The following SLC22A25 variants were observed in gnomAD, a reference collection of about 807,000 sequenced individuals.
The protein encoded by SLC22A25 is solute carrier family 22 member 25, also known as MGI:2442751, MGI:2385316, MGI:3042283, MGI:3645714, MGI:3605624, MGI:2442750.
SLC22A25 carries 44 observed loss-of-function variants against 45.9 expected under a neutral mutation model. The ratio of observed to expected loss-of-function variants is 0.96; its 90% CI spans 0.75 to 1.23. The LOEUF (loss-of-function observed/expected upper bound fraction) is 1.23, where lower values mean the gene tolerates loss of function less well. Ranked by LOEUF, SLC22A25 falls within the 50% of genes most tolerant of loss-of-function variation. The pLI, the probability that SLC22A25 is intolerant of heterozygous loss-of-function variation, is 0.00. For missense variants in SLC22A25, 800 were observed against 666.4 expected, an observed-to-expected ratio of 1.20 and a Z score of -2.21; for synonymous variants, 283 against 238.6, an observed-to-expected ratio of 1.19 and a Z score of -1.72.
rs564397185 is a variant in SLC22A25, at chr11:63,163,707, T to A, written c.*117A>T. 1.5e-6 allele frequency: 2 copies of A among 1,373,282 alleles called. No homozygotes were observed. The highest frequency in any genetic ancestry group is 1.5e-5 in the South Asian group (1 of 66,904). The allele number at this position is 1,373,282 out of a possible 1,614,324, so 85.1% of individuals were successfully genotyped here. A position where few individuals can be genotyped will look rare whatever the true frequency, so the allele number is the denominator to read the frequency against. ...GCTCAGGGGATGTATGAGGTCACTG[T>A]GGAAGGGATGAGGATACACCAAAGG... On this transcript the variant is annotated 3_prime_UTR_variant, in exon 12 of 12. Transcript: ENST00000306494.
Position 63,160,686 on chromosome 11 carries a change from A to C in SLC22A25, c.*3138T>G, listed in dbSNP as rs2087526137. Among the ~76,000 whole-genome samples the C allele has an allele frequency of 6.6e-6, 1 of 152,196 alleles. No individual in the cohort carries two copies. The highest frequency in any genetic ancestry group is 1.5e-5 in the Non-Finnish European group (1 of 68,030). ...AAGGCATTGACAGCTTGCACTGCAC[A>C]CCTGGAAAAGCTGCAGACACTCAAT... On this transcript the variant is annotated 3_prime_UTR_variant, in exon 12 of 12. Transcript: ENST00000306494.
chr11:63,209,068 C>T (rs1285956315), intron 7 of SLC22A25, among the ~76,000 whole-genome samples: 1 of 152,130 alleles, frequency 6.6e-6, no homozygotes, highest in Non-Finnish European at 1.5e-5. Context: ...GATAGATTGG[C>T]CTGCTTTCAA....
At chr11:63,210,130 C>A (rs56048812) in intron 7 of SLC22A25, among the ~76,000 whole-genome samples, 3 of 151,888 alleles carry the variant, frequency 2.0e-5, no homozygotes, top group Non-Finnish European at 4.4e-5. Context: ...ATTCCAGAGG[C>A]TCCTGAAAAC....
rs2087528789 is a variant in SLC22A25, at chr11:63,160,990, TTGTATTAG to T, written c.*2826_*2833del. On this transcript the variant is annotated 3_prime_UTR_variant, in exon 12 of 12. Coordinates refer to ENST00000306494, the MANE Select transcript of SLC22A25 (RefSeq NM_199352.6). ...TTGACCCAACAGTTCCACTGCACCA[TTGTATTAG>T]TCCATTTTCAAGCTGCTGATAAAGA... 1.3e-5 allele frequency among the ~76,000 whole-genome samples: 2 copies of T among 152,164 alleles called. No homozygotes were observed. The highest frequency in any genetic ancestry group is 4.8e-5 in the African/African-American group (2 of 41,452).
chr11:63,185,534 A>C (rs942686315), intron 7 of SLC22A25, among the ~76,000 whole-genome samples: 1 of 144,896 alleles, frequency 6.9e-6, no homozygotes, highest in African/African-American at 2.6e-5. Context: ...TTTTATTTTT[A>C]TTTTTTATTT....
chr11:63,178,797 A>G (rs2088211987), intron 9 of SLC22A25, among the ~76,000 whole-genome samples: 1 of 151,918 alleles, frequency 6.6e-6, no homozygotes, highest in Non-Finnish European at 1.5e-5. Context: ...TTTGTTGTGC[A>G]GAAGATTTTT....
Position 63,183,735 on chromosome 11 carries a change from T to C in SLC22A25, c.913A>G (p.Arg305Gly). Residue 305 changes from arginine to glycine, a missense_variant, in exon 8 of 12, where the codon AGG becomes GGG. Physicochemically the swap from Arg to Gly is moderately radical, Grantham distance 125. Coordinates refer to ENST00000306494, the MANE Select transcript of SLC22A25 (RefSeq NM_199352.6). ...GLKELRKAAH[R>G]NGMKNAEDIL... ...TCTTCAGCATTCTTCATTCCATTCC[T>C]GTGTGCAGCTTTTCTAAGTTCCTTT... 3 of 1,613,296 alleles carry C rather than the reference T, an allele frequency of 1.9e-6. No homozygotes were observed. The highest frequency in any genetic ancestry group is 2.5e-6 in the Non-Finnish European group (3 of 1,179,394).
At chr11:63,200,267 G>C (rs2089197978) in intron 7 of SLC22A25, among the ~76,000 whole-genome samples, 1 of 149,476 alleles carries the variant, frequency 6.7e-6, no homozygotes, top group Non-Finnish European at 1.5e-5. Context: ...AAAATTACTG[G>C]TAAACAGAAT....
chr11:63,202,200 A>G (rs2089266927), intron 7 of SLC22A25, among the ~76,000 whole-genome samples: 1 of 151,862 alleles, frequency 6.6e-6, no homozygotes, highest in Admixed American at 6.6e-5. Flanking sequence ...CCTGGGTTTC[A>G]AGCACAAAAC....
rs1042226900 is a variant in SLC22A25 at position 63,160,640 on chromosome 11, C to A, written c.*3184G>T. On this transcript the variant is annotated 3_prime_UTR_variant, in exon 12 of 12. Transcript: ENST00000306494. ...GGAGCTGTGAGAAGAGGGTCTTCGACCTCCAGACCCCAGAATTGTAAAGGC... is the reference window on the plus strand; with the variant it reads ...GGAGCTGTGAGAAGAGGGTCTTCGAACTCCAGACCCCAGAATTGTAAAGGC... 4.6e-5 allele frequency among the ~76,000 whole-genome samples: 7 copies of A among 152,238 alleles called. No individual in the cohort carries two copies. Among genetic ancestry groups the A allele is most frequent in the African/African-American group, 1.4e-4 (6 of 41,550 alleles).
intron 7 of SLC22A25, among the ~76,000 whole-genome samples, chr11:63,193,508 C>A (rs765992953): frequency 4.5e-4 from 68 of 152,236 alleles, no homozygotes; most frequent in Non-Finnish European, 8.1e-4. Context: ...GCTGGTGACA[C>A]CCAGGCAAAC....
At chr11:63,237,695 T>A (rs199614114) in intron 3 of SLC22A25, among the ~76,000 whole-genome samples, 186 bp downstream of exon 3, 2 of 152,194 alleles carry the variant, frequency 1.3e-5, no homozygotes, top group East Asian at 3.9e-4. Context: ...TCAGGCTTAA[T>A]GGAGATGTCA....
chr11:63,171,894 G>A (rs556441279), intron 9 of SLC22A25, among the ~76,000 whole-genome samples: 12 of 152,278 alleles, frequency 7.9e-5, no homozygotes, highest in African/African-American at 2.4e-4. Flanking sequence ...CATACTGCCT[G>A]ACTTCAAATA....
intron 7 of SLC22A25, among the ~76,000 whole-genome samples, chr11:63,190,234 T>C (rs2088751503): frequency 6.6e-6 from 1 of 152,168 alleles, no homozygotes; most frequent in Non-Finnish European, 1.5e-5. Context: ...CCTGGAGGCT[T>C]TTCTTGTTTC....
intron 7 of SLC22A25, 82 bp from the exon 8 acceptor site, chr11:63,183,899 C>T (rs553059537): frequency 2.8e-5 from 44 of 1,580,546 alleles, no homozygotes; most frequent in African/African-American, 1.5e-4. Context: ...GATGCCTTTC[C>T]CCTCTAAGCT....
intron 7 of SLC22A25, among the ~76,000 whole-genome samples, chr11:63,192,427 G>A (rs2088849571): frequency 6.6e-6 from 1 of 152,106 alleles, no homozygotes; most frequent in African/African-American, 2.4e-5. Flanking sequence ...GCAGACTCAT[G>A]AACAAGTCTG....
At chr11:63,194,112 G>A (rs528921370) in intron 7 of SLC22A25, among the ~76,000 whole-genome samples, 1 of 152,276 alleles carries the variant, frequency 6.6e-6, no homozygotes, top group South Asian at 2.1e-4. Flanking sequence ...GAAGTTTAGA[G>A]AAAAGAGAGT....
In SLC22A25 at chr11:63,236,231, G is replaced by T. The variant is rs556586499; in HGVS notation, c.-445+1650C>A. 5.9e-5 allele frequency among the ~76,000 whole-genome samples: 9 copies of T among 152,232 alleles called. No homozygotes were observed. In the East Asian group the frequency reaches 1.5e-3, roughly 26 times the overall value. On this transcript the variant is annotated intron_variant, in intron 3 of 11. Transcript: ENST00000306494. ...GCTGTCTTTTGTTTGTCTGTGCCCT[G>T]CCCCCAGAGGTGGAGCCTACAGAAG... is the stretch of plus-strand genomic sequence containing the variant.
chr11:63,233,914 A>T (rs2090117027), intron 3 of SLC22A25, among the ~76,000 whole-genome samples: 1 of 152,228 alleles, frequency 6.6e-6, no homozygotes, highest in Admixed American at 6.5e-5. Context: ...ATTCAGGAGC[A>T]GGTTTTTCAG....
Sources: allele counts gnomAD v4.1 joint callset (sites outside exome capture counted in the v4.1 genomes callset), GRCh38; gene constraint gnomAD v4.1.1; transcripts MANE v1.5; gene names NCBI Gene and HGNC (gene_info 2026-07-23, HGNC 2026-07-21).